FAR2: variants seen among roughly 807,000 people sequenced by gnomAD.
FAR2 encodes the protein epididymis secretory protein Li 81.
FAR2 carries 19 observed loss-of-function variants against 56.0 expected under a neutral mutation model. The observed-to-expected ratio is 0.34, with a 90% CI of 0.24 to 0.50. The LOEUF is 0.50. Ranked by LOEUF, FAR2 falls within the 20% of genes least tolerant of loss-of-function variation. The pLI, the probability that FAR2 is intolerant of heterozygous loss-of-function variation, is 0.98. For synonymous variants in FAR2, 219 were observed against 218.8 expected (o/e 1.00, Z -0.01); for missense variants, 508 against 642.2 (o/e 0.79, Z 2.26).
rs190966101 is a variant in FAR2, at chr12:29,257,883, C to G, written c.-38-12529C>G. On this transcript the variant is annotated intron_variant, in intron 1 of 11. Transcript: ENST00000536681. ...AGTGAGACCAAGAACCCACCAATTC[C>G]GGCCACAGGATTACAGACGTGAGAC... Among the ~76,000 whole-genome samples, 5 of 152,300 alleles carry G rather than the reference C, an allele frequency of 3.3e-5. No homozygotes were observed. The East Asian group carries it at 9.6e-4, about 29-fold the overall frequency.
chr12:29,209,239 T>C (rs987604438), intron 1 of FAR2, among the ~76,000 whole-genome samples: 8 of 152,200 alleles, frequency 5.3e-5, no homozygotes, highest in African/African-American at 1.9e-4. Context: ...CTGGCATCAG[T>C]GTTTTCAGCA....
At chr12:29,177,605 A>AGT (rs1213772254) in intron 1 of FAR2, among the ~76,000 whole-genome samples, 1 of 152,032 alleles carries the variant, frequency 6.6e-6, no homozygotes, top group Non-Finnish European at 1.5e-5. Context: ...AAAAATGGGT[A>AGT]GTGGGTTGAA....
At chr12:29,316,790 G>C in intron 8 of FAR2, 51 bp from the exon 9 acceptor site, 1 of 1,570,830 alleles carries the variant, frequency 6.4e-7, no homozygotes, top group Non-Finnish European at 8.7e-7. Flanking sequence ...CCACTATGAT[G>C]GACTTATATT....
chr12:29,332,865 C>G (rs1949752220), intron 11 of FAR2, 138 bp downstream of exon 11: 2 of 811,602 alleles, frequency 2.5e-6, no homozygotes, highest in Non-Finnish European at 4.1e-6. Flanking sequence ...CCATACTCTA[C>G]CCTGTAACAC....
At chr12:29,285,672 G>A (rs1486962905) in intron 2 of FAR2, among the ~76,000 whole-genome samples, 1 of 152,186 alleles carries the variant, frequency 6.6e-6, no homozygotes, top group African/African-American at 2.4e-5. Context: ...TGTAATCCCA[G>A]CACTTTGGGA....
chr12:29,251,184 CT>C (rs1190498406), intron 1 of FAR2, among the ~76,000 whole-genome samples: 5 of 152,180 alleles, frequency 3.3e-5, no homozygotes, highest in African/African-American at 1.2e-4. Flanking sequence ...TGTAGCTTGA[CT>C]CATCAAAACA....
chr12:29,270,234 A>T (rs889198942), intron 1 of FAR2, among the ~76,000 whole-genome samples, 178 bp from the exon 2 acceptor site: 1 of 152,232 alleles, frequency 6.6e-6, no homozygotes, highest in Non-Finnish European at 1.5e-5. Flanking sequence ...GCATGTAGAG[A>T]GAACTCAATA....
chr12:29,190,008 A>G (rs956823837), intron 1 of FAR2, among the ~76,000 whole-genome samples: 4 of 152,154 alleles, frequency 2.6e-5, no homozygotes, highest in Admixed American at 2.6e-4. Context: ...AGAAGGATGA[A>G]GGACAACTCA....
At chr12:29,293,578 C>T (rs1029135486) in intron 3 of FAR2, 103 bp downstream of exon 3, 1 of 1,134,508 alleles carries the variant, frequency 8.8e-7, no homozygotes, top group Non-Finnish European at 1.2e-6. Flanking sequence ...ACAAAAAAGA[C>T]ATACAAAGAA....
chr12:29,281,140 T>C (rs1565502723), intron 2 of FAR2: 1 of 152,222 alleles, frequency 6.6e-6, no homozygotes, highest in African/African-American at 2.4e-5. Context: ...TATTCTTGGA[T>C]AAAAAGGTGA....
chr12:29,227,345 A>C (rs1185928370), intron 1 of FAR2, among the ~76,000 whole-genome samples: 3 of 152,220 alleles, frequency 2.0e-5, no homozygotes, highest in Non-Finnish European at 2.9e-5. Context: ...GAAGCAAAAC[A>C]TTGTCAATAT....
At chr12:29,241,632 G>A (rs1433722142) in intron 1 of FAR2, among the ~76,000 whole-genome samples, 2 of 152,044 alleles carry the variant, frequency 1.3e-5, no homozygotes, top group Non-Finnish European at 1.5e-5. Flanking sequence ...TTCCTTTGAT[G>A]CTGAGTTCTT....
chr12:29,290,109 A>G (rs551673656), intron 2 of FAR2, among the ~76,000 whole-genome samples: 172 of 152,314 alleles, frequency 1.1e-3, no homozygotes, highest in Middle Eastern at 3.4e-3. Context: ...AATTAGTACA[A>G]CCACTACGGA....
chr12:29,216,044 C>A (rs890372123), intron 1 of FAR2, among the ~76,000 whole-genome samples: 28 of 152,158 alleles, frequency 1.8e-4, no homozygotes, highest in Non-Finnish European at 3.4e-4. Context: ...AACTTATATC[C>A]CTAACTGAAT....
At chr12:29,232,129 A>C (rs1947868805) in intron 1 of FAR2, among the ~76,000 whole-genome samples, 1 of 152,194 alleles carries the variant, frequency 6.6e-6, no homozygotes. Context: ...TGAGGGTCCC[A>C]AGACTGAACT....
chr12:29,236,372 A>G (rs1371367293), intron 1 of FAR2, among the ~76,000 whole-genome samples: 1 of 152,132 alleles, frequency 6.6e-6, no homozygotes, highest in Non-Finnish European at 1.5e-5. Flanking sequence ...TGGCTGAGAA[A>G]AGGAAGGATC....
At chr12:29,269,007 G>C (rs1948568079) in intron 1 of FAR2, among the ~76,000 whole-genome samples, 1 of 152,154 alleles carries the variant, frequency 6.6e-6, no homozygotes, top group African/African-American at 2.4e-5. Flanking sequence ...CAGGACCAAG[G>C]TGAAATTAAA....
intron 1 of FAR2, among the ~76,000 whole-genome samples, chr12:29,205,104 T>TG (rs1169301382): frequency 5.3e-5 from 8 of 152,316 alleles, no homozygotes; most frequent in African/African-American, 1.9e-4. Context: ...TTTACATTGT[T>TG]GCTTTCATGG....
At position 29,204,618 on chromosome 12, in the gene FAR2, G is replaced by T. The variant is rs148803618; in HGVS notation, c.-39+55211G>T. Among the ~76,000 whole-genome samples the T allele has an allele frequency of 7.2e-5, 11 of 152,206 alleles. 1 individual carries two copies. In the East Asian group the frequency reaches 2.1e-3, roughly 29 times the overall value. On this transcript the variant is annotated intron_variant, in intron 1 of 11. Transcript: ENST00000536681. ...TGCTATAAAGAAATACGAGAGACTGGGTAATTTACACAGGAAATAGGTTTG... is the reference window on the plus strand; with the variant it reads ...TGCTATAAAGAAATACGAGAGACTGTGTAATTTACACAGGAAATAGGTTTG...
Sources: gnomAD v4.1 joint callset for allele counts (sites outside exome capture counted in the v4.1 genomes callset) on GRCh38, gnomAD v4.1.1 for gene constraint, MANE v1.5 for transcripts, NCBI Gene and HGNC (gene_info 2026-07-23, HGNC 2026-07-21) for gene names.